Variants in KCNMB2 observed in about 807,000 individuals in gnomAD.
KCNMB2 encodes potassium calcium-activated channel subfamily M regulatory beta subunit 2.
Under a neutral mutation model 24.5 loss-of-function variants are expected in KCNMB2, and 9 were observed. That is an observed-to-expected ratio of 0.37 (90% confidence interval 0.22 to 0.64). The LOEUF is 0.64. KCNMB2 is among the 30% of genes least tolerant of loss of function. KCNMB2 has a pLI of 0.63. For synonymous variants in KCNMB2, 109 were observed against 104.4 expected (o/e 1.04, Z -0.27); for missense variants, 226 against 284.3 (o/e 0.79, Z 1.47).
intron 1 of KCNMB2, among the ~76,000 whole-genome samples, chr3:178,795,515 A>G (rs1328351890): frequency 1.3e-5 from 2 of 152,112 alleles, no homozygotes; most frequent in Non-Finnish European, 2.9e-5. Flanking sequence ...GCTGAGCCAC[A>G]CAGATACCAA....
intron 2 of KCNMB2, 46 bp downstream of exon 2, chr3:178,807,511 G>T: frequency 6.6e-7 from 1 of 1,515,160 alleles, no homozygotes; most frequent in South Asian, 1.1e-5. Flanking sequence ...CATTTAACCT[G>T]ACTCTCCAAA....
At chr3:178,679,448 GC>G (rs1311787052) in intron 1 of KCNMB2, among the ~76,000 whole-genome samples, 2 of 152,142 alleles carry the variant, frequency 1.3e-5, no homozygotes, top group Admixed American at 6.6e-5. Flanking sequence ...AAAATCTTTA[GC>G]ACAAAGCCTG....
In KCNMB2 at chr3:178,757,737, GAT is replaced by G. The variant is rs1166180942; in HGVS notation, c.-67-49594_-67-49593del. On this transcript the variant is annotated intron_variant, in intron 1 of 4. Coordinates refer to ENST00000452583, the MANE Select transcript of KCNMB2 (RefSeq NM_181361.3). The stretch of plus-strand genomic sequence containing the variant: ...ATATATATGTATATATATCCAAGAG[GAT>G]ATATATATATAAGAGGATATATATA... Among the ~76,000 whole-genome samples the G allele has an allele frequency of 4.9e-4, 33 of 67,360 alleles. 1 individual carries two copies. The highest frequency in any genetic ancestry group is 8.5e-4 in the Non-Finnish European group (30 of 35,362). The allele number at this position is 67,360 out of a possible 152,430, so 44.2% of individuals were successfully genotyped here.
chr3:178,727,069 A>G (rs564192929), intron 1 of KCNMB2, among the ~76,000 whole-genome samples: 7 of 152,278 alleles, frequency 4.6e-5, no homozygotes, highest in African/African-American at 1.7e-4. Context: ...AGAATAAGTA[A>G]GCTAATAACA....
At chr3:178,698,504 C>T (rs1248488474) in intron 1 of KCNMB2, among the ~76,000 whole-genome samples, 3 of 152,160 alleles carry the variant, frequency 2.0e-5, no homozygotes, top group East Asian at 3.8e-4. Flanking sequence ...TATTTGTCTG[C>T]CAACTCCTGC....
At chr3:178,800,547 G>C (rs1713734636) in intron 1 of KCNMB2, among the ~76,000 whole-genome samples, 1 of 152,094 alleles carries the variant, frequency 6.6e-6, no homozygotes, top group Non-Finnish European at 1.5e-5. Context: ...GTGAGGATGT[G>C]GAGAAAAGGG....
At chr3:178,722,743 A>C (rs1722849051) in intron 1 of KCNMB2, among the ~76,000 whole-genome samples, 1 of 152,064 alleles carries the variant, frequency 6.6e-6, no homozygotes, top group Non-Finnish European at 1.5e-5. Context: ...AAATACAAAA[A>C]TTATCTGGGT....
chr3:178,612,848 G>T (rs1190687407), intron 1 of KCNMB2, among the ~76,000 whole-genome samples: 1 of 151,868 alleles, frequency 6.6e-6, no homozygotes, highest in Non-Finnish European at 1.5e-5. Context: ...CTCTAGTGAA[G>T]GTGATTTTCT....
At chr3:178,558,606 G>T (rs1716205564) in intron 1 of KCNMB2, 1 of 152,092 alleles carries the variant, frequency 6.6e-6, no homozygotes, top group African/African-American at 2.4e-5. Context: ...ATAGTTCCAG[G>T]TTTTTTTAAA....
intron 1 of KCNMB2, among the ~76,000 whole-genome samples, chr3:178,707,659 G>T (rs535583182): frequency 6.6e-6 from 1 of 152,116 alleles, no homozygotes; most frequent in Admixed American, 6.6e-5. Context: ...CCAGGCATAA[G>T]TAATTTTTAA....
At chr3:178,671,825 T>C (rs1560158962) in intron 1 of KCNMB2, among the ~76,000 whole-genome samples, 3 of 152,148 alleles carry the variant, frequency 2.0e-5, no homozygotes, top group Non-Finnish European at 4.4e-5. Context: ...TCTAGCTTAA[T>C]CAACATGTAA....
At chr3:178,754,416 A>T (rs1318458409) in intron 1 of KCNMB2, among the ~76,000 whole-genome samples, 3 of 151,942 alleles carry the variant, frequency 2.0e-5, no homozygotes, top group Non-Finnish European at 2.9e-5. Flanking sequence ...CCCAACTACC[A>T]CTGAAGTACT....
chr3:178,539,043 T>C (rs1323904948), intron 1 of KCNMB2, among the ~76,000 whole-genome samples: 1 of 152,150 alleles, frequency 6.6e-6, no homozygotes, highest in Non-Finnish European at 1.5e-5. Context: ...TCAGTCCCCA[T>C]GGGTAACACA....
chr3:178,757,300 A>ATAAG (rs1724105423), intron 1 of KCNMB2, among the ~76,000 whole-genome samples: 2 of 124,874 alleles, frequency 1.6e-5, no homozygotes, highest in African/African-American at 6.0e-5. Context: ...GGATATATAT[A>ATAAG]TATATATCCA....
intron 1 of KCNMB2, among the ~76,000 whole-genome samples, chr3:178,734,227 T>C (rs1384625032): frequency 6.6e-6 from 1 of 152,256 alleles, no homozygotes; most frequent in Non-Finnish European, 1.5e-5. Context: ...CAATATTTTT[T>C]ACTAATTTTG....
At chr3:178,582,754 G>A (rs184860041) in intron 1 of KCNMB2, among the ~76,000 whole-genome samples, 1 of 151,902 alleles carries the variant, frequency 6.6e-6, no homozygotes, top group Non-Finnish European at 1.5e-5. Context: ...ATCTTTCTTA[G>A]GCCTTCTAGA....
chr3:178,759,402 GATATATATAT>G, intron 1 of KCNMB2, among the ~76,000 whole-genome samples: 1 of 12,280 alleles, frequency 8.1e-5, no homozygotes, highest in Non-Finnish European at 1.4e-4. Flanking sequence ...TCTCCAAGAG[GATATATATAT>G]ATATATATAT....
intron 1 of KCNMB2, among the ~76,000 whole-genome samples, chr3:178,709,672 A>G (rs565016548): frequency 2.1e-4 from 32 of 152,306 alleles, no homozygotes; most frequent in South Asian, 8.3e-4. Context: ...AGTGACTTCA[A>G]ATGAACTCAC....
At chr3:178,645,381 T>C (rs1719886367) in intron 1 of KCNMB2, among the ~76,000 whole-genome samples, 4 of 152,118 alleles carry the variant, frequency 2.6e-5, no homozygotes, top group Admixed American at 2.6e-4. Context: ...TTTCTCTCCT[T>C]GCCTTTTGTA....
Sources: allele counts gnomAD v4.1 joint callset (sites outside exome capture counted in the v4.1 genomes callset), GRCh38; gene constraint gnomAD v4.1.1; transcripts MANE v1.5; gene names NCBI Gene and HGNC (gene_info 2026-07-23, HGNC 2026-07-21).